Variants in BCAS3 observed in about 807,000 individuals in gnomAD.
BCAS3 encodes the protein BCAS4/BCAS3 fusion.
Under a neutral mutation model 116.1 loss-of-function variants are expected in BCAS3, and 53 were observed. The observed-to-expected ratio is 0.46, with a 90% confidence interval of 0.37 to 0.57. BCAS3 has a LOEUF of 0.57. Ranked by LOEUF, BCAS3 falls within the 20% of genes least tolerant of loss-of-function variation. The probability of loss-of-function intolerance (pLI) is 0.00; values close to 1 mark genes in which losing one functional copy is unlikely to be tolerated. For missense variants in BCAS3, 917 were observed against 1,165.4 expected, an observed-to-expected ratio of 0.79 and a Z score of 3.10; for synonymous variants, 391 against 408.2, an observed-to-expected ratio of 0.96 and a Z score of 0.51.
intron 5 of BCAS3, among the ~76,000 whole-genome samples, chr17:60,729,178 TTTA>T (rs2040211407): frequency 1.3e-5 from 2 of 152,252 alleles, no homozygotes; most frequent in Non-Finnish European, 2.9e-5. Context: ...TTTGTTTGTT[TTTA>T]TTATTGTGTT....
rs1191303147 is a variant in BCAS3 at position 61,145,650 on chromosome 17, A to G, written c.2425+61086A>G. Among the ~76,000 whole-genome samples the G allele has an allele frequency of 6.6e-6, 1 of 152,230 alleles. No individual in the cohort carries two copies. The highest frequency in any genetic ancestry group is 2.4e-5 in the African/African-American group (1 of 41,462). ...TGTTACTTTAAAAAATTATTCTTAA[A>G]TGTTCAGCACAAATATCCCTCCCCT... On this transcript the variant is annotated intron_variant, in intron 22 of 23. Transcript: ENST00000407086. This position sits in a 1 kb window ranked among gnomAD's most constrained non-coding sequence, Gnocchi z 5.0.
rs2076285782 is a variant in BCAS3 at position 61,130,720 on chromosome 17, G to C, written c.2425+46156G>C. ...AAACTGACCTTTTTAGTTTAGCTGGGCTCCAACCAGTTCTGTTCTAGCTCC... is the reference window on the plus strand; with the variant it reads ...AAACTGACCTTTTTAGTTTAGCTGGCCTCCAACCAGTTCTGTTCTAGCTCC... On this transcript the variant is annotated intron_variant, in intron 22 of 23. Coordinates refer to ENST00000407086, the MANE Select transcript of BCAS3 (RefSeq NM_017679.5). The surrounding 1 kb of genome is among the most constrained non-coding windows in gnomAD (Gnocchi z 5.0). 6.6e-6 allele frequency: 1 copy of C among 152,186 alleles called. No individual in the cohort carries two copies. Among genetic ancestry groups the C allele is most frequent in the African/African-American group, 2.4e-5 (1 of 41,426 alleles). The allele number at this position is 152,186 out of a possible 1,614,324, so 9.4% of individuals were successfully genotyped here.
chr17:61,358,659 G>A (rs555271731), intron 22 of BCAS3, among the ~76,000 whole-genome samples: 1 of 151,886 alleles, frequency 6.6e-6, no homozygotes, highest in Admixed American at 6.6e-5. Context: ...GCACCACCAT[G>A]CCTGGCTAAT....
At chr17:60,717,136 G>C (rs1196142245) in intron 5 of BCAS3, among the ~76,000 whole-genome samples, 1 of 152,130 alleles carries the variant, frequency 6.6e-6, no homozygotes, top group South Asian at 2.1e-4. Context: ...GGGTATTTGA[G>C]GGAGGAACAC....
At chr17:61,357,900 C>A (rs999068476) in intron 22 of BCAS3, among the ~76,000 whole-genome samples, 1 of 151,806 alleles carries the variant, frequency 6.6e-6, no homozygotes, top group Admixed American at 6.6e-5. Context: ...ACCCGCCTGG[C>A]CAACATGTTG....
intron 14 of BCAS3, among the ~76,000 whole-genome samples, chr17:60,988,338 C>CTTTTTTTTTTTTTTT (rs71148317): frequency 8.7e-4 from 58 of 66,784 alleles, no homozygotes; most frequent in African/African-American, 1.0e-3. Context: ...TTTTCTTTTT[C>CTTTTTTTTTTTTTTT]TTTTTTTTTT....
At chr17:61,322,990 C>CTT (rs201969718) in intron 22 of BCAS3, among the ~76,000 whole-genome samples, 1 of 150,464 alleles carries the variant, frequency 6.6e-6, no homozygotes, top group Non-Finnish European at 1.5e-5. Context: ...AGGCGCCTTC[C>CTT]TTTTTTTTTA....
At chr17:60,981,658 C>T (rs1416491182) in intron 14 of BCAS3, among the ~76,000 whole-genome samples, 4 of 152,052 alleles carry the variant, frequency 2.6e-5, no homozygotes, top group Non-Finnish European at 5.9e-5. Context: ...TTTATGAGGA[C>T]AATAATAATA....
At chr17:60,840,317 T>C (rs1401121516) in intron 7 of BCAS3, among the ~76,000 whole-genome samples, 1 of 152,196 alleles carries the variant, frequency 6.6e-6, no homozygotes, top group Non-Finnish European at 1.5e-5. Flanking sequence ...ATTTAAATTT[T>C]AAAGATGCAG....
intron 4 of BCAS3, among the ~76,000 whole-genome samples, chr17:60,691,801 C>T (rs2034862634): frequency 6.6e-6 from 1 of 150,902 alleles, no homozygotes; most frequent in African/African-American, 2.4e-5. Context: ...GAATTTTGGA[C>T]TCTCTATTAG....
intron 16 of BCAS3, among the ~76,000 whole-genome samples, chr17:61,018,382 G>T (rs765011462): frequency 1.3e-4 from 18 of 138,422 alleles, no homozygotes; most frequent in Non-Finnish European, 2.4e-4. Context: ...GCTCACTGCA[G>T]CCTCTGCCTC....
chr17:60,886,789 G>T (rs1213245653), intron 9 of BCAS3, among the ~76,000 whole-genome samples: 2 of 152,058 alleles, frequency 1.3e-5, no homozygotes, highest in African/African-American at 2.4e-5. Flanking sequence ...ACTTGAGGAG[G>T]CAGTCTGCCG....
Position 61,040,817 on chromosome 17 carries a change from C to T in BCAS3, c.1954C>T (p.Pro652Ser), listed in dbSNP as rs1199460301. ...AACCCCTCAATGGAATGAATTGCAGCCACCGTTTAATGCAAACCACCCTCT... is the reference window on the plus strand; with the variant it reads ...AACCCCTCAATGGAATGAATTGCAGTCACCGTTTAATGCAAACCACCCTCT... ...VRTPQWNELQPPFNANHPLLL... is the reference protein window; with the variant it reads ...VRTPQWNELQSPFNANHPLLL... The change falls in exon 19 of 24, where the codon CCA becomes TCA. Residue 652 changes from proline to serine, a missense_variant. Pro to Ser is a moderately conservative substitution (Grantham distance 74, BLOSUM62 -1). Around this residue, in one of 3 missense-constraint regions of BCAS3, gnomAD observed 807 missense variants for 1,026.0 expected, o/e 0.79. Transcript: ENST00000407086. 6.2e-7 allele frequency: 1 copy of T among 1,614,050 alleles called. No individual in the cohort carries two copies. Among genetic ancestry groups the T allele is most frequent in the African/African-American group, 1.3e-5 (1 of 75,046 alleles).
At position 61,155,481 on chromosome 17, in the gene BCAS3, G is replaced by A. The variant is rs182600868; in HGVS notation, c.2425+70917G>A. On this transcript the variant is annotated intron_variant, in intron 22 of 23. Coordinates refer to ENST00000407086, the MANE Select transcript of BCAS3 (RefSeq NM_017679.5). The stretch of plus-strand genomic sequence containing the variant: ...TTATTTAATCAAGCTTAAATAACAG[G>A]TTAGAGTGGTAGCAAAAAAAAAAAA... 1.7e-4 allele frequency among the ~76,000 whole-genome samples: 23 copies of A among 135,768 alleles called. No homozygotes were observed. In the Admixed American group the frequency reaches 1.8e-3, roughly 10 times the overall value. The allele number at this position is 135,768 out of a possible 152,430, so 89.1% of individuals were successfully genotyped here. A position where few individuals can be genotyped will look rare whatever the true frequency, so the allele number is the denominator to read the frequency against.
intron 22 of BCAS3, among the ~76,000 whole-genome samples, chr17:61,319,169 C>T (rs1345773562): frequency 6.6e-6 from 1 of 152,200 alleles, no homozygotes; most frequent in African/African-American, 2.4e-5. Context: ...CTACACCCCT[C>T]GCTACAGTGC....
At chr17:61,043,780 A>G (rs192103220) in intron 19 of BCAS3, among the ~76,000 whole-genome samples, 1 of 152,174 alleles carries the variant, frequency 6.6e-6, no homozygotes, top group African/African-American at 2.4e-5. Flanking sequence ...GAATGAATGA[A>G]TACAAATTAT....
intron 16 of BCAS3, among the ~76,000 whole-genome samples, chr17:61,022,599 T>C (rs1298128709): frequency 6.6e-6 from 1 of 152,106 alleles, no homozygotes; most frequent in Non-Finnish European, 1.5e-5. Flanking sequence ...TTTGACATTA[T>C]TTATGTTATG....
intron 15 of BCAS3, among the ~76,000 whole-genome samples, chr17:61,005,188 G>A (rs185011749): frequency 3.9e-5 from 6 of 152,100 alleles, no homozygotes; most frequent in Admixed American, 1.3e-4. Context: ...TTTTACGTAC[G>A]TAGGTAAAGT....
At chr17:61,093,680 C>G (rs1269669271) in intron 22 of BCAS3, among the ~76,000 whole-genome samples, 1 of 152,168 alleles carries the variant, frequency 6.6e-6, no homozygotes, top group Non-Finnish European at 1.5e-5. Context: ...AAAAGATACG[C>G]CTTTCCTATT....
Sources: gnomAD v4.1 joint callset for allele counts (sites outside exome capture counted in the v4.1 genomes callset) on GRCh38, gnomAD v4.1.1 for gene constraint, gnomAD v4.1.1 regional missense constraint, Gnocchi (gnomAD v3.1) non-coding constraint, MANE v1.5 for transcripts, NCBI Gene and HGNC (gene_info 2026-07-23, HGNC 2026-07-21) for gene names.